The following NIPSNAP2 variants were observed in gnomAD, a reference collection of about 807,000 sequenced individuals.
NIPSNAP2 encodes protein NipSnap homolog 2.
A neutral mutation model predicts 48.4 loss-of-function variants in NIPSNAP2; 42 were observed. That is an observed-to-expected ratio of 0.87 (90% CI 0.68 to 1.12). The LOEUF is 1.12. NIPSNAP2 is among the 50% of genes most tolerant of loss of function. NIPSNAP2 has a pLI of 0.00. For synonymous variants in NIPSNAP2, 158 were observed against 126.6 expected, an observed-to-expected ratio of 1.25 and a Z score of -1.67; for missense variants, 314 against 347.3, an observed-to-expected ratio of 0.90 and a Z score of 0.76.
intron 7 of NIPSNAP2, among the ~76,000 whole-genome samples, chr7:55,987,522 G>A (rs567369766): frequency 1.0e-3 from 155 of 152,300 alleles, no homozygotes; most frequent in Middle Eastern, 3.4e-3. Flanking sequence ...CAGCTACTCA[G>A]CAGGCTGAGG....
intron 7 of NIPSNAP2, among the ~76,000 whole-genome samples, chr7:55,992,799 T>C (rs1021396951): frequency 1.3e-5 from 2 of 152,136 alleles, no homozygotes; most frequent in African/African-American, 2.4e-5. Flanking sequence ...GTGGTATGGA[T>C]TTACTGGGTA....
At chr7:55,980,550 A>C (rs887426361) in intron 3 of NIPSNAP2, 1 of 152,120 alleles carries the variant, frequency 6.6e-6, no homozygotes, top group Admixed American at 6.5e-5. Context: ...TTTTCATCAT[A>C]ATTTTTCTAT....
chr7:55,981,678 G>A, intron 4 of NIPSNAP2, 111 bp downstream of exon 4: 1 of 649,836 alleles, frequency 1.5e-6, no homozygotes, highest in Non-Finnish European at 2.6e-6. Flanking sequence ...CCAAGTCTCA[G>A]TCTAATTTTA....
chr7:55,983,623 TG>T (rs1787265436), intron 5 of NIPSNAP2, 104 bp from the exon 6 acceptor site: 1 of 1,147,942 alleles, frequency 8.7e-7, no homozygotes, highest in Non-Finnish European at 1.2e-6. Flanking sequence ...AACTGGGACC[TG>T]TTGATTACCC....
intron 1 of NIPSNAP2, among the ~76,000 whole-genome samples, chr7:55,973,545 G>A (rs1415330809): frequency 6.6e-6 from 1 of 151,916 alleles, no homozygotes; most frequent in Non-Finnish European, 1.5e-5. Flanking sequence ...GCACGACTTG[G>A]CTCACTGCAA....
Position 55,984,941 on chromosome 7 carries a change from G to GT in NIPSNAP2, c.617+65dup, listed in dbSNP as rs1458041026. ...TGAATAGATTAGTTTAGGCCATAGTGTTAATTCTAGGGAAAAAAATCTGAG... is the reference window on the plus strand; with the variant it reads ...TGAATAGATTAGTTTAGGCCATAGTGTTTAATTCTAGGGAAAAAAATCTGAG... On this transcript the variant is annotated intron_variant, in intron 7 of 9. Transcript: ENST00000322090. 16 of 1,324,096 alleles carry GT rather than the reference G, an allele frequency of 1.2e-5. No homozygotes were observed. The East Asian group carries it at 3.7e-4, about 31-fold the overall frequency. 82.0% of individuals were successfully genotyped at this position (1,324,096 alleles called of 1,614,324 possible). A position where few individuals can be genotyped will look rare whatever the true frequency, so the allele number is the denominator to read the frequency against.
chr7:55,994,436 G>C (rs973213528), intron 7 of NIPSNAP2, among the ~76,000 whole-genome samples: 1 of 152,218 alleles, frequency 6.6e-6, no homozygotes, highest in Non-Finnish European at 1.5e-5. Context: ...TTTTAGACCA[G>C]GTGTGGTGGC....
intron 9 of NIPSNAP2, 100 bp from the exon 10 acceptor site, chr7:55,998,908 C>T (rs542875362): frequency 1.0e-5 from 10 of 978,064 alleles, no homozygotes; most frequent in African/African-American, 9.6e-5. Flanking sequence ...TGTTTTCAAG[C>T]AGCACATCTG....
rs142611662 is a variant in NIPSNAP2 at position 55,987,300 on chromosome 7, A to G, written c.617+2422A>G. Among the ~76,000 whole-genome samples the G allele has an allele frequency of 4.1e-3, 622 of 152,256 alleles. 4 individuals are homozygous for G. Among genetic ancestry groups the G allele is most frequent in the African/African-American group, 0.014 (581 of 41,564 alleles). ...TTATTTGCAGTAGCCAAGAGGTAGAAACAACCCACATATCCATCAATAGAT... is the reference window on the plus strand; with the variant it reads ...TTATTTGCAGTAGCCAAGAGGTAGAGACAACCCACATATCCATCAATAGAT... On this transcript the variant is annotated intron_variant, in intron 7 of 9. Coordinates refer to ENST00000322090, the MANE Select transcript of NIPSNAP2 (RefSeq NM_001483.3).
chr7:55,978,057 G>A, intron 1 of NIPSNAP2, 69 bp from the exon 2 acceptor site: 3 of 1,566,136 alleles, frequency 1.9e-6, no homozygotes, highest in Non-Finnish European at 2.6e-6. Context: ...TGCTCACTGT[G>A]TTTGCCAGAT....
chr7:55,991,133 A>G lies in NIPSNAP2; in HGVS notation c.618-3761A>G, dbSNP rs186352174. ...TCGGTTATGAAATTTCCTGCTGTGC[A>G]TGAAATAATTTCTAAGATCCCTTCT... On this transcript the variant is annotated intron_variant, in intron 7 of 9. Coordinates refer to ENST00000322090, the MANE Select transcript of NIPSNAP2 (RefSeq NM_001483.3). Among the ~76,000 whole-genome samples the G allele has an allele frequency of 2.7e-3, 409 of 152,268 alleles. 9 individuals are homozygous for G. Among genetic ancestry groups the G allele is most frequent in the Non-Finnish European group, 7.9e-4 (54 of 68,016 alleles).
intron 3 of NIPSNAP2, chr7:55,980,147 G>A (rs1584343902): frequency 9.6e-6 from 2 of 208,320 alleles, no homozygotes; most frequent in African/African-American, 2.3e-5. Flanking sequence ...CCCTGTCCTC[G>A]ATTTTCATTG....
intron 7 of NIPSNAP2, among the ~76,000 whole-genome samples, chr7:55,988,759 G>GA (rs1787383646): frequency 6.6e-6 from 1 of 152,082 alleles, no homozygotes; most frequent in South Asian, 2.1e-4. Flanking sequence ...CAGCTACTCA[G>GA]GAGGCTGAGG....
intron 1 of NIPSNAP2, among the ~76,000 whole-genome samples, chr7:55,969,359 A>G (rs1032070139): frequency 4.7e-5 from 7 of 149,832 alleles, no homozygotes; most frequent in Non-Finnish European, 1.0e-4. Context: ...GTGCTTCCAA[A>G]TGCTGGTGCT....
chr7:55,997,326 T>C, intron 8 of NIPSNAP2, 40 bp from the exon 9 acceptor site: 1 of 1,396,522 alleles, frequency 7.2e-7, no homozygotes, highest in Non-Finnish European at 1.0e-6. Context: ...ATGCAGTGTA[T>C]GTGTTTTAAG....
At chr7:55,971,379 C>T (rs1787013374) in intron 1 of NIPSNAP2, among the ~76,000 whole-genome samples, 1 of 152,148 alleles carries the variant, frequency 6.6e-6, no homozygotes, top group Non-Finnish European at 1.5e-5. Context: ...TTAGTCTCAC[C>T]CCCTGCTCTG....
chr7:55,980,595 T>C (rs1014551372), intron 3 of NIPSNAP2: 1 of 152,222 alleles, frequency 6.6e-6, no homozygotes, highest in Non-Finnish European at 1.5e-5. Context: ...TTTCTCTTGG[T>C]GTAAAACAGT....
Position 55,981,706 on chromosome 7 carries a change from TCAA to T in NIPSNAP2, c.373+143_373+145del, listed in dbSNP as rs777475204. ...TAATTTTATGATTAAAGTAGTTTCT[TCAA>T]CAATTCATTGCGAAAATGGTTTTAA... On this transcript the variant is annotated intron_variant, in intron 4 of 9. Transcript: ENST00000322090. The T allele has an allele frequency of 1.1e-3, 614 of 576,212 alleles. 3 individuals are homozygous for T. Among genetic ancestry groups the T allele is most frequent in the South Asian group, 3.7e-3 (141 of 38,104 alleles). 35.7% of individuals were successfully genotyped at this position (576,212 alleles called of 1,614,324 possible). A position where few individuals can be genotyped will look rare whatever the true frequency, so the allele number is the denominator to read the frequency against.
intron 3 of NIPSNAP2, chr7:55,979,702 C>A: frequency 2.2e-6 from 1 of 450,790 alleles, no homozygotes; most frequent in Non-Finnish European, 4.5e-6. Flanking sequence ...TCAGATTGAT[C>A]TGCTTGAGTT....
Sources: allele counts gnomAD v4.1 joint callset (sites outside exome capture counted in the v4.1 genomes callset), GRCh38; gene constraint gnomAD v4.1.1; transcripts MANE v1.5; gene names NCBI Gene and HGNC (gene_info 2026-07-23, HGNC 2026-07-21).